The following MYO16 variants were observed in gnomAD, a reference collection of about 807,000 sequenced individuals.
MYO16 encodes the protein unconventional myosin-XVI.
Under a neutral mutation model 205.3 loss-of-function variants are expected in MYO16, and 94 were observed. The ratio of observed to expected loss-of-function variants is 0.46; its 90% confidence interval spans 0.39 to 0.54. The LOEUF (loss-of-function observed/expected upper bound fraction) is 0.54. MYO16 is among the 20% of genes least tolerant of loss of function. The pLI is 0.00. For synonymous variants in MYO16, 988 were observed against 954.0 expected, an observed-to-expected ratio of 1.04 and a Z score of -0.66; for missense variants, 2,315 against 2,387.5, an observed-to-expected ratio of 0.97 and a Z score of 0.63.
At chr13:109,128,929 G>A (rs910327140) in intron 31 of MYO16, among the ~76,000 whole-genome samples, 5 of 151,774 alleles carry the variant, frequency 3.3e-5, no homozygotes, top group African/African-American at 4.8e-5. Context: ...CTGCCACCAC[G>A]CCCAGCTAAT....
At chr13:109,175,825 C>T (rs1027080178) in intron 33 of MYO16, among the ~76,000 whole-genome samples, 2 of 113,868 alleles carry the variant, frequency 1.8e-5, no homozygotes, top group African/African-American at 7.0e-5. Flanking sequence ...TCCTCCAACA[C>T]GATTGGAGTC....
intron 18 of MYO16, 112 bp from the exon 19 acceptor site, chr13:108,962,312 C>A: frequency 2.7e-6 from 2 of 746,302 alleles, no homozygotes; most frequent in South Asian, 1.7e-5. Context: ...TTAAAATACT[C>A]ATGTTTTGTA....
intron 15 of MYO16, among the ~76,000 whole-genome samples, chr13:108,908,183 G>A (rs901811824): frequency 6.6e-6 from 1 of 152,112 alleles, no homozygotes; most frequent in African/African-American, 2.4e-5. Flanking sequence ...TGCTAATTCA[G>A]GGCTCCACAC....
At chr13:108,546,662 T>C in the MYO16 span, among the ~76,000 whole-genome samples, 1 of 152,144 alleles carries the variant, frequency 6.6e-6, no homozygotes, top group Non-Finnish European at 1.5e-5. Context: ...CACGGATACC[T>C]GAGTTCCAGA....
chr13:108,635,661 C>T (rs9587637), intron 1 of MYO16, among the ~76,000 whole-genome samples: 3,973 of 151,908 alleles, frequency 0.026, 164 homozygotes, highest in African/African-American at 0.083. Context: ...CCACCACACT[C>T]GGCTAATTTT....
chr13:108,689,955 G>C (rs958301783), intron 2 of MYO16, among the ~76,000 whole-genome samples: 1 of 152,168 alleles, frequency 6.6e-6, no homozygotes, highest in African/African-American at 2.4e-5. Context: ...AGTTGTATAT[G>C]TACCTAAGTT....
At chr13:108,669,788 C>G (rs1881903458) in intron 2 of MYO16, among the ~76,000 whole-genome samples, 1 of 152,022 alleles carries the variant, frequency 6.6e-6, no homozygotes, top group Non-Finnish European at 1.5e-5. Context: ...ATGGATAAAG[C>G]TGGAAACCAT....
At chr13:108,558,410 A>C in the MYO16 span, among the ~76,000 whole-genome samples, 2 of 152,190 alleles carry the variant, frequency 1.3e-5, no homozygotes, top group Admixed American at 6.5e-5. Context: ...CTTTGAATCA[A>C]AGGGTAAGAC....
intron 4 of MYO16, among the ~76,000 whole-genome samples, chr13:108,758,102 G>A (rs1432105649): frequency 6.6e-6 from 1 of 152,106 alleles, no homozygotes; most frequent in Non-Finnish European, 1.5e-5. Flanking sequence ...CAGCAAAAAG[G>A]TGCTATCTGT....
chr13:108,983,313 G>A (rs1342067583), intron 20 of MYO16, among the ~76,000 whole-genome samples: 9 of 152,132 alleles, frequency 5.9e-5, no homozygotes, highest in Admixed American at 4.6e-4. Context: ...AGAACCGTGG[G>A]AGGAAGAAAG....
chr13:108,731,750 C>T (rs1884529526), intron 4 of MYO16, among the ~76,000 whole-genome samples: 1 of 152,152 alleles, frequency 6.6e-6, no homozygotes, highest in African/African-American at 2.4e-5. Flanking sequence ...TATAAATTAT[C>T]ACCGATTATG....
intron 23 of MYO16, among the ~76,000 whole-genome samples, chr13:109,030,168 C>CAAAAA (rs10632019): frequency 3.7e-4 from 54 of 144,598 alleles, no homozygotes; most frequent in African/African-American, 1.2e-3. Context: ...AGAAGGAAAG[C>CAAAAA]AAAAAAAAAA....
chr13:108,809,780 G>C (rs1887228798), intron 7 of MYO16, among the ~76,000 whole-genome samples: 1 of 152,174 alleles, frequency 6.6e-6, no homozygotes, highest in African/African-American at 2.4e-5. Context: ...GCTTTGTTGT[G>C]AGGCCTCCAT....
Position 109,127,618 on chromosome 13 carries a change from G to T in MYO16, c.4051+68G>T. The T allele has an allele frequency of 1.3e-6, 2 of 1,517,620 alleles. No individual in the cohort carries two copies. The highest frequency in any genetic ancestry group is 1.8e-6 in the Non-Finnish European group (2 of 1,118,918). 94.0% of individuals were successfully genotyped at this position (1,517,620 alleles called of 1,614,324 possible). On this transcript the variant is annotated intron_variant, in intron 31 of 34. Transcript: ENST00000457511. The surrounding 1 kb of genome is among the most constrained non-coding windows in gnomAD (Gnocchi z 4.2). The stretch of plus-strand genomic sequence containing the variant: ...GCATGCTCTGACTTCGCCTTGGGGC[G>T]CCCATGGCAGTACTGTCGCCCTAAT...
chr13:108,613,493 G>A (rs1230251274), intron 1 of MYO16, among the ~76,000 whole-genome samples: 4 of 151,974 alleles, frequency 2.6e-5, no homozygotes, highest in Non-Finnish European at 4.4e-5. Flanking sequence ...GATGAAGAAG[G>A]AACACTTCCC....
intron 7 of MYO16, among the ~76,000 whole-genome samples, chr13:108,813,483 C>A (rs1005436221): frequency 3.9e-5 from 6 of 152,108 alleles, no homozygotes; most frequent in Non-Finnish European, 8.8e-5. Flanking sequence ...GGAATGAGTG[C>A]TGGCTCCAAA....
intron 4 of MYO16, among the ~76,000 whole-genome samples, chr13:108,781,253 C>T (rs1265497050): frequency 6.6e-6 from 1 of 152,194 alleles, no homozygotes; most frequent in African/African-American, 2.4e-5. Flanking sequence ...CCCTGCAGTT[C>T]TGTCTGTTGT....
rs569216264 is a variant in MYO16 at position 108,850,244 on chromosome 13, G to C, written c.1249-5199G>C. 2.0e-5 allele frequency among the ~76,000 whole-genome samples: 3 copies of C among 152,284 alleles called. No homozygotes were observed. In the East Asian group the frequency reaches 5.8e-4, roughly 29 times the overall value. On this transcript the variant is annotated intron_variant, in intron 10 of 34. Transcript: ENST00000457511. ...TTGCCCCCTGGGCTTCTACTCCCTG[G>C]ACATGTGCTACCAACCTCCCAGAGA...
intron 20 of MYO16, among the ~76,000 whole-genome samples, chr13:108,972,593 T>C (rs1411951974): frequency 1.3e-5 from 2 of 150,532 alleles, no homozygotes; most frequent in Non-Finnish European, 3.0e-5. Flanking sequence ...GAAATAGATA[T>C]ATCAGGATTC....
Sources: allele counts gnomAD v4.1 joint callset (sites outside exome capture counted in the v4.1 genomes callset), GRCh38; gene constraint gnomAD v4.1.1; non-coding constraint Gnocchi (gnomAD v3.1); transcripts MANE v1.5; gene names NCBI Gene and HGNC (gene_info 2026-07-23, HGNC 2026-07-21).